Variants in BRSK1 observed in about 807,000 individuals in gnomAD.
BRSK1 encodes the protein BR serine/threonine kinase 1.
In BRSK1, 17 loss-of-function variants were observed where a neutral mutation model predicts 86.2. The observed-to-expected ratio is 0.20, with a 90% confidence interval of 0.14 to 0.30. BRSK1 has a LOEUF of 0.30. Ranked by LOEUF, BRSK1 falls within the 10% of genes least tolerant of loss-of-function variation. The pLI is 1.00. For synonymous variants in BRSK1, 464 were observed against 440.1 expected (o/e 1.05, Z -0.68); for missense variants, 719 against 1,071.9 (o/e 0.67, Z 4.60).
chr19:55,308,605 C>T (rs781652996), intron 17 of BRSK1, 34 bp from the exon 18 acceptor site: 2 of 1,569,394 alleles, frequency 1.3e-6, no homozygotes, highest in Non-Finnish European at 1.8e-6. Context: ...CCTGGACCCC[C>T]AGTCAGTGTT....
rs756897190 is a variant in BRSK1 at position 55,312,373 on chromosome 19, G to A, written c.*305G>A. 1 of 198,160 alleles carries A rather than the reference G, an allele frequency of 5.0e-6. No homozygotes were observed. Among genetic ancestry groups the A allele is most frequent in the South Asian group, 1.7e-4 (1 of 5,890 alleles). 12.3% of individuals were successfully genotyped at this position (198,160 alleles called of 1,614,324 possible). A position where few individuals can be genotyped will look rare whatever the true frequency, so the allele number is the denominator to read the frequency against. On this transcript the variant is annotated 3_prime_UTR_variant, in exon 19 of 19. Coordinates refer to ENST00000309383, the MANE Select transcript of BRSK1 (RefSeq NM_032430.2). ...CTGGTTGGGGTGGCTTAGCAGATCC[G>A]GACAGGGCCCTCTGTCCCTGTGTCG... is the stretch of plus-strand genomic sequence containing the variant.
At position 55,301,365 on chromosome 19, in the gene BRSK1, G is replaced by A. The variant is rs1432532930; in HGVS notation, c.679-147G>A. The A allele has an allele frequency of 5.4e-6, 5 of 925,872 alleles. No homozygotes were observed. In the African/African-American group the frequency reaches 6.7e-5, roughly 12 times the overall value. The allele number at this position is 925,872 out of a possible 1,614,324, so 57.4% of individuals were successfully genotyped here. A position where few individuals can be genotyped will look rare whatever the true frequency, so the allele number is the denominator to read the frequency against. The stretch of plus-strand genomic sequence containing the variant: ...GCCAAGTGCCTGCTGTGCCACGGAC[G>A]AGCTAGGGGCCTTTGGCAAATTGCT... On this transcript the variant is annotated intron_variant, in intron 7 of 18. Transcript: ENST00000309383.
chr19:55,312,101 TCCAC>T lies in BRSK1; in HGVS notation c.*36_*39del. ...GGGCCGGGGAGGGAGGGGACCCCCCTCCACCCCCCTTCCGTGCCCCCCAACTGTG... is the reference window on the plus strand; with the variant it reads ...GGGCCGGGGAGGGAGGGGACCCCCCTCCCCCTTCCGTGCCCCCCAACTGTG... On this transcript the variant is annotated 3_prime_UTR_variant, in exon 19 of 19. Coordinates refer to ENST00000309383, the MANE Select transcript of BRSK1 (RefSeq NM_032430.2). 3.0e-6 allele frequency: 3 copies of T among 986,592 alleles called. No individual in the cohort carries two copies. The highest frequency in any genetic ancestry group is 4.3e-6 in the Non-Finnish European group (3 of 703,720). The allele number at this position is 986,592 out of a possible 1,614,324, so 61.1% of individuals were successfully genotyped here.
intron 7 of BRSK1, among the ~76,000 whole-genome samples, chr19:55,295,047 C>T (rs2088465469): frequency 6.6e-6 from 1 of 152,162 alleles, no homozygotes; most frequent in East Asian, 1.9e-4. Context: ...AGTGATCCAC[C>T]CTCCTCGGCC....
At chr19:55,288,446 C>T (rs1196256866) in intron 3 of BRSK1, among the ~76,000 whole-genome samples, 7 of 132,098 alleles carry the variant, frequency 5.3e-5, no homozygotes, top group East Asian at 2.5e-4. Context: ...TGCATTCCAG[C>T]GTGGGCGACA....
intron 1 of BRSK1, 46 bp from the exon 2 acceptor site, chr19:55,286,961 A>G: frequency 1.3e-6 from 2 of 1,593,786 alleles, no homozygotes; most frequent in Non-Finnish European, 1.7e-6. Context: ...GCTGGGGACG[A>G]AGGGGACCCG....
chr19:55,307,902 C>T (rs1248308567), intron 17 of BRSK1, among the ~76,000 whole-genome samples: 1 of 150,722 alleles, frequency 6.6e-6, no homozygotes, highest in African/African-American at 2.4e-5. Context: ...TGCAGTGAGC[C>T]GTGATCGCGC....
In BRSK1 at chr19:55,284,367, GCC is replaced by G; in HGVS notation, c.-72_-71del. The G allele has an allele frequency of 1.1e-6, 1 of 939,710 alleles. No individual in the cohort carries two copies. The highest frequency in any genetic ancestry group is 1.4e-6 in the Non-Finnish European group (1 of 725,050). The allele number at this position is 939,710 out of a possible 1,614,324, so 58.2% of individuals were successfully genotyped here. A position where few individuals can be genotyped will look rare whatever the true frequency, so the allele number is the denominator to read the frequency against. On this transcript the variant is annotated 5_prime_UTR_variant, in exon 1 of 19. Transcript: ENST00000309383. ...GGGGGCCGGGACGGAGCGGTCGCCGGCCCCCACCGGAGAGACGGGGCGACGGC... is the reference window on the plus strand; with the variant it reads ...GGGGGCCGGGACGGAGCGGTCGCCGGCCCACCGGAGAGACGGGGCGACGGC...
At position 55,303,662 on chromosome 19, in the gene BRSK1, C is replaced by T. The variant is rs1267160642; in HGVS notation, c.1127-5C>T. ...CTTGATTGGGTTGAAACTGTTGTCC[C>T]TCAGACCCCCCCCGGAAGCGTGTGG... is the stretch of plus-strand genomic sequence containing the variant. On this transcript the variant is annotated splice_region_variant and splice_polypyrimidine_tract_variant and intron_variant, in intron 11 of 18. Transcript: ENST00000309383. The surrounding 1 kb of genome is among the most constrained non-coding windows in gnomAD (Gnocchi z 5.1). 2.5e-6 allele frequency: 4 copies of T among 1,593,912 alleles called. No homozygotes were observed. Among genetic ancestry groups the T allele is most frequent in the Non-Finnish European group, 3.4e-6 (4 of 1,169,764 alleles).
At chr19:55,285,827 G>A (rs2088301787) in intron 1 of BRSK1, among the ~76,000 whole-genome samples, 1 of 152,120 alleles carries the variant, frequency 6.6e-6, no homozygotes, top group African/African-American at 2.4e-5. Flanking sequence ...GCCGTAACTG[G>A]GAGCTGAGAC....
At position 55,302,642 on chromosome 19, in the gene BRSK1, A is replaced by T. The variant is rs1024591768; in HGVS notation, c.858-55A>T. 3.2e-6 allele frequency: 5 copies of T among 1,564,602 alleles called. No homozygotes were observed. The African/African-American group carries it at 6.8e-5, about 21-fold the overall frequency. The stretch of plus-strand genomic sequence containing the variant: ...GTCCGGGATCATTGAGTCTAGAATG[A>T]AGAATGCTGAATCTCAGAAGCCCGG... On this transcript the variant is annotated intron_variant, in intron 9 of 18. Transcript: ENST00000309383. This position sits in a 1 kb window ranked among gnomAD's most constrained non-coding sequence, Gnocchi z 6.3.
chr19:55,302,747 G>A lies in BRSK1; in HGVS notation c.908G>A (p.Arg303Gln), dbSNP rs762094970. ...TGCCTGGAGCCAGCCCCTGGCCGCC[G>A]GGTAGCCATGCGGAGCCTGCCATCC... The part of the protein sequence containing the change: ...DPCLEPAPGR[R>Q]VAMRSLPSNG... The change falls in exon 10 of 19, where the codon CGG becomes CAG. Residue 303 changes from arginine (R) to glutamine (Q), a missense_variant. Physicochemically the swap from Arg to Gln is conservative, Grantham distance 43 (BLOSUM62 1). Around this residue, in one of 6 missense-constraint regions of BRSK1, gnomAD observed 168 missense variants for 246.3 expected, o/e 0.68. Coordinates refer to ENST00000309383, the MANE Select transcript of BRSK1 (RefSeq NM_032430.2). This position sits in a 1 kb window ranked among gnomAD's most constrained non-coding sequence, Gnocchi z 6.3. 2.5e-6 allele frequency: 4 copies of A among 1,613,224 alleles called. No individual in the cohort carries two copies. Among genetic ancestry groups the A allele is most frequent in the Admixed American group, 1.7e-5 (1 of 59,998 alleles).
At chr19:55,292,334 T>A (rs1395123477) in intron 4 of BRSK1, among the ~76,000 whole-genome samples, 1 of 152,188 alleles carries the variant, frequency 6.6e-6, no homozygotes, top group Non-Finnish European at 1.5e-5. Context: ...AATAGCTCAC[T>A]TTGTACATAT....
In BRSK1 at chr19:55,309,759, C is replaced by T. The variant is rs79941009; in HGVS notation, c.2179+1031C>T. On this transcript the variant is annotated intron_variant, in intron 18 of 18. Coordinates refer to ENST00000309383, the MANE Select transcript of BRSK1 (RefSeq NM_032430.2). ...AGTGTTCAGTAGAGAGCATAAGGGG[C>T]ACTCGCCCAAGCAACCAGAGGTAGC... is the stretch of plus-strand genomic sequence containing the variant. 4.6e-3 allele frequency among the ~76,000 whole-genome samples: 695 copies of T among 152,324 alleles called. 5 individuals carry two copies. Among genetic ancestry groups the T allele is most frequent in the African/African-American group, 0.014 (573 of 41,564 alleles).
chr19:55,307,599 C>G (rs1486059265), intron 17 of BRSK1, among the ~76,000 whole-genome samples: 1 of 143,852 alleles, frequency 7.0e-6, no homozygotes, highest in Non-Finnish European at 1.5e-5. Context: ...AATTTTAAGA[C>G]TTTTTCTGAG....
chr19:55,294,804 T>C lies in BRSK1; in HGVS notation c.678+407T>C, dbSNP rs2088461355. Among the ~76,000 whole-genome samples the C allele has an allele frequency of 6.6e-6, 1 of 151,996 alleles. No individual in the cohort carries two copies. The highest frequency in any genetic ancestry group is 2.4e-5 in the African/African-American group (1 of 41,440). On this transcript the variant is annotated intron_variant, in intron 7 of 18. Transcript: ENST00000309383. This position sits in a 1 kb window ranked among gnomAD's most constrained non-coding sequence, Gnocchi z 4.9. ...GGTGTGAGCCACTGAACCCGGCCTA[T>C]TTATTTATGTATTTTGAGACAGAGT... is the stretch of plus-strand genomic sequence containing the variant.
At chr19:55,309,506 C>T (rs867813929) in intron 18 of BRSK1, among the ~76,000 whole-genome samples, 3 of 152,348 alleles carry the variant, frequency 2.0e-5, no homozygotes, top group Middle Eastern at 3.4e-3. Flanking sequence ...GATCAAGCTG[C>T]CAGCAGCGTT....
At chr19:55,299,890 C>T (rs928331368) in intron 7 of BRSK1, among the ~76,000 whole-genome samples, 5 of 152,124 alleles carry the variant, frequency 3.3e-5, no homozygotes, top group Non-Finnish European at 5.9e-5. Flanking sequence ...ATACCAGGGG[C>T]AACTGGGAGC....
In BRSK1 at chr19:55,301,667, A is replaced by G. The variant is rs549220131; in HGVS notation, c.825+9A>G. ...CCGAAAAAAGGCTCAGTGTGAGTTG[A>G]GGGGGGGACCGGCGGAGGGGGGAAC... On this transcript the variant is annotated intron_variant, in intron 8 of 18. Transcript: ENST00000309383. The G allele has an allele frequency of 3.7e-6, 6 of 1,608,894 alleles. No homozygotes were observed. In the South Asian group the frequency reaches 4.4e-5, roughly 12 times the overall value.
Sources: allele counts gnomAD v4.1 joint callset (sites outside exome capture counted in the v4.1 genomes callset), GRCh38; gene constraint gnomAD v4.1.1; regional missense constraint gnomAD v4.1.1; non-coding constraint Gnocchi (gnomAD v3.1); transcripts MANE v1.5; gene names NCBI Gene and HGNC (gene_info 2026-07-23, HGNC 2026-07-21).